The following ZNF608 variants were observed in gnomAD, a reference collection of about 807,000 sequenced individuals.
ZNF608 encodes the protein renal carcinoma antigen NY-REN-36.
Under a neutral mutation model 109.0 loss-of-function variants are expected in ZNF608, and 12 were observed. The observed-to-expected ratio is 0.11, with a 90% confidence interval of 0.07 to 0.18. The LOEUF is 0.18. ZNF608 is among the 10% of genes least tolerant of loss of function. The pLI is 1.00. For missense variants in ZNF608, 1,707 were observed against 1,879.3 expected (o/e 0.91, Z 1.70); for synonymous variants, 732 against 717.4 (o/e 1.02, Z -0.33).
In ZNF608 at chr5:124,647,311, T is replaced by C. The variant is rs1561532872; in HGVS notation, c.3073A>G (p.Thr1025Ala). 6.2e-7 allele frequency: 1 copy of C among 1,614,252 alleles called. No homozygotes were observed. The highest frequency in any genetic ancestry group is 2.2e-5 in the East Asian group (1 of 44,892). Residue 1025 changes from threonine to alanine, a missense_variant, in exon 5 of 10, where the codon ACG becomes GCG. Coordinates refer to ENST00000513986, the MANE Select transcript of ZNF608 (RefSeq NM_020747.3). Reference protein sequence around the residue: ...GAPAAGNSGSTQGMKIKKESE... With the variant: ...GAPAAGNSGSAQGMKIKKESE... ...TCCTTCTTGATCTTCATTCCCTGCGTGCTCCCACTATTTCCAGCTGCAGGG... is the reference window on the plus strand; with the variant it reads ...TCCTTCTTGATCTTCATTCCCTGCGCGCTCCCACTATTTCCAGCTGCAGGG...
chr5:124,641,511 A>G, intron 7 of ZNF608, 106 bp from the exon 8 acceptor site: 1 of 1,210,704 alleles, frequency 8.3e-7, no homozygotes, highest in Non-Finnish European at 1.1e-6. Flanking sequence ...ATGATTAAAA[A>G]GTAAATATAA....
intron 4 of ZNF608, 40 bp downstream of exon 4, chr5:124,649,570 G>A: frequency 6.7e-7 from 1 of 1,491,524 alleles, no homozygotes; most frequent in African/African-American, 1.4e-5. Context: ...CCTGCAAAGA[G>A]AGGATGGGGA....
chr5:124,654,195 T>TG (rs1750912428), intron 3 of ZNF608, among the ~76,000 whole-genome samples: 2 of 151,476 alleles, frequency 1.3e-5, no homozygotes, highest in African/African-American at 4.9e-5. Context: ...TTTTTCCTAT[T>TG]TTTTTTTAAT....
intron 3 of ZNF608, among the ~76,000 whole-genome samples, chr5:124,666,707 CTCTG>C (rs543102697): frequency 3.1e-3 from 392 of 126,816 alleles, no homozygotes; most frequent in African/African-American, 0.012. Flanking sequence ...ACTGGGTTTG[CTCTG>C]TGTGTGTGTG....
intron 3 of ZNF608, among the ~76,000 whole-genome samples, chr5:124,700,655 C>T (rs561395745): frequency 2.0e-5 from 3 of 152,340 alleles, no homozygotes; most frequent in Non-Finnish European, 2.9e-5. Flanking sequence ...CATGTCAAGA[C>T]AGACACATTT....
At chr5:124,646,575 G>T in intron 5 of ZNF608, 104 bp downstream of exon 5, 1 of 1,387,184 alleles carries the variant, frequency 7.2e-7, no homozygotes, top group Non-Finnish European at 9.7e-7. Flanking sequence ...AACTAATATG[G>T]GTTTCTTTCC....
At chr5:124,713,995 C>G (rs1455927650) in intron 2 of ZNF608, among the ~76,000 whole-genome samples, 2 of 152,222 alleles carry the variant, frequency 1.3e-5, no homozygotes, top group Non-Finnish European at 2.9e-5. Flanking sequence ...CCAGTTCTAA[C>G]TTAAGCAGTC....
chr5:124,746,811 T>G (rs1554094843), upstream of ZNF608: 23 of 962,932 alleles, frequency 2.4e-5, no homozygotes, highest in African/African-American at 1.8e-4. Context: ...AGGGGGGGAG[T>G]AGAGGGAGGA....
chr5:124,669,658 AACACACACAC>A (rs56258363), intron 3 of ZNF608, among the ~76,000 whole-genome samples: 1 of 148,152 alleles, frequency 6.7e-6, no homozygotes, highest in Non-Finnish European at 1.5e-5. Flanking sequence ...AACACACACA[AACACACACAC>A]ACACACACAC....
intron 3 of ZNF608, among the ~76,000 whole-genome samples, chr5:124,666,724 T>C (rs1751497245): frequency 7.0e-6 from 1 of 142,338 alleles, no homozygotes; most frequent in African/African-American, 2.9e-5. Flanking sequence ...TGTGTGTGTG[T>C]GTGTGTGTGT....
intron 3 of ZNF608, among the ~76,000 whole-genome samples, chr5:124,700,340 C>T (rs1753001705): frequency 6.6e-6 from 1 of 152,240 alleles, no homozygotes; most frequent in Admixed American, 6.5e-5. Context: ...GGCATATGCT[C>T]TGATTTATAT....
At chr5:124,679,017 C>T (rs561576674) in intron 3 of ZNF608, among the ~76,000 whole-genome samples, 6 of 152,126 alleles carry the variant, frequency 3.9e-5, no homozygotes, top group Non-Finnish European at 7.3e-5. Context: ...GAGCTACTGC[C>T]GGGGAAGCCA....
chr5:124,659,114 T>C lies in ZNF608; in HGVS notation c.1163-9417A>G, dbSNP rs140629093. ...TGAAAGAGTGCAGCCATTCAAATCA[T>C]TGGTCCCAGTCCTTTCCTGCACTTA... On this transcript the variant is annotated intron_variant, in intron 3 of 9. Coordinates refer to ENST00000513986, the MANE Select transcript of ZNF608 (RefSeq NM_020747.3). Among the ~76,000 whole-genome samples, 75 of 151,374 alleles carry C rather than the reference T, an allele frequency of 5.0e-4. 1 individual carries two copies. In the East Asian group the frequency reaches 0.012, roughly 25 times the overall value.
At chr5:124,679,871 C>T (rs1184691178) in intron 3 of ZNF608, among the ~76,000 whole-genome samples, 3 of 152,150 alleles carry the variant, frequency 2.0e-5, no homozygotes, top group African/African-American at 7.2e-5. Flanking sequence ...CTTATGAGAT[C>T]TGTCTTTTCC....
At chr5:124,716,142 CAAAAAAAAAAAAA>C (rs1232356378) in intron 2 of ZNF608, among the ~76,000 whole-genome samples, 1 of 73,966 alleles carries the variant, frequency 1.4e-5, no homozygotes, top group Non-Finnish European at 2.8e-5. Flanking sequence ...GAATCCGTCT[CAAAAAAAAAAAAA>C]AAAAAAAAGA....
At position 124,650,695 on chromosome 5, in the gene ZNF608, A is replaced by G. The variant is rs140428830; in HGVS notation, c.1163-998T>C. ...ATTTTAATAGAACCTTGATTTTGAG[A>G]CATACATAAATTATTAGGGTAAAGA... On this transcript the variant is annotated intron_variant, in intron 3 of 9. Transcript: ENST00000513986. Among the ~76,000 whole-genome samples the G allele has an allele frequency of 2.7e-3, 409 of 152,378 alleles. 1 individual carries two copies. Among genetic ancestry groups the G allele is most frequent in the Middle Eastern group, 6.8e-3 (2 of 294 alleles).
chr5:124,713,182 T>C (rs956900183), intron 2 of ZNF608, among the ~76,000 whole-genome samples: 50 of 152,352 alleles, frequency 3.3e-4, no homozygotes, highest in African/African-American at 1.2e-3. Context: ...TCTATCTTTA[T>C]GTTCACTAGT....
chr5:124,704,658 T>C (rs1753186908), intron 2 of ZNF608, among the ~76,000 whole-genome samples: 1 of 152,084 alleles, frequency 6.6e-6, no homozygotes, highest in Non-Finnish European at 1.5e-5. Flanking sequence ...AATTATTGGA[T>C]TATGTGCTCT....
intron 3 of ZNF608, among the ~76,000 whole-genome samples, chr5:124,658,935 TG>T (rs1041185666): frequency 6.6e-6 from 1 of 152,170 alleles, no homozygotes; most frequent in Non-Finnish European, 1.5e-5. Context: ...TACCTCCTAA[TG>T]GTCATTCCTT....
Sources: gnomAD v4.1 joint callset for allele counts (sites outside exome capture counted in the v4.1 genomes callset) on GRCh38, gnomAD v4.1.1 for gene constraint, MANE v1.5 for transcripts, NCBI Gene and HGNC (gene_info 2026-07-23, HGNC 2026-07-21) for gene names.